The following LEF1 variants were observed in gnomAD, a reference collection of about 807,000 sequenced individuals.
LEF1 encodes the protein lymphoid enhancer binding factor 1.
In LEF1, 14 loss-of-function variants were observed where a neutral mutation model predicts 51.2. The ratio of observed to expected loss-of-function variants is 0.27; its 90% CI spans 0.18 to 0.43. LEF1 has a LOEUF of 0.43. Ranked by LOEUF, LEF1 falls within the 20% of genes least tolerant of loss-of-function variation. LEF1 has a pLI of 1.00. For missense variants in LEF1, 386 were observed against 512.0 expected (o/e 0.75, Z 2.37); for synonymous variants, 185 against 183.2 (o/e 1.01, Z -0.08).
chr4:108,086,020 A>G (rs922491667), intron 4 of LEF1, among the ~76,000 whole-genome samples: 3 of 152,248 alleles, frequency 2.0e-5, no homozygotes, highest in Non-Finnish European at 4.4e-5. Context: ...GAAGTGTTAA[A>G]ACAGACCCAT....
At chr4:108,151,383 C>T (rs1487198399) in intron 3 of LEF1, among the ~76,000 whole-genome samples, 1 of 152,118 alleles carries the variant, frequency 6.6e-6, no homozygotes, top group Non-Finnish European at 1.5e-5. Flanking sequence ...ATGAGAAACT[C>T]ACTGATTCAA....
chr4:108,048,692 G>T lies in LEF1; in HGVS notation c.*66C>A. 1 of 1,608,564 alleles carries T rather than the reference G, an allele frequency of 6.2e-7. No individual in the cohort carries two copies. Among genetic ancestry groups the T allele is most frequent in the Non-Finnish European group, 8.5e-7 (1 of 1,177,098 alleles). ...GGTTTTCAACAAGCTTCCATCTCCA[G>T]AAGAGGTCCTGGGGTCGCTGCCTTG... On this transcript the variant is annotated 3_prime_UTR_variant, in exon 12 of 12. Coordinates refer to ENST00000265165, the MANE Select transcript of LEF1 (RefSeq NM_016269.5).
chr4:108,145,073 G>A (rs746490712), intron 3 of LEF1, among the ~76,000 whole-genome samples: 1 of 152,052 alleles, frequency 6.6e-6, no homozygotes, highest in Non-Finnish European at 1.5e-5. Flanking sequence ...AGAATACATA[G>A]CATTATCCAC....
At chr4:108,112,779 A>C (rs1741611365) in intron 3 of LEF1, among the ~76,000 whole-genome samples, 1 of 152,250 alleles carries the variant, frequency 6.6e-6, no homozygotes, top group African/African-American at 2.4e-5. Flanking sequence ...GGATTAGTAC[A>C]AATAGTTTCA....
chr4:108,124,637 G>A (rs942681430), intron 3 of LEF1, among the ~76,000 whole-genome samples: 1 of 152,122 alleles, frequency 6.6e-6, no homozygotes, highest in Non-Finnish European at 1.5e-5. Context: ...CAAAGTGCTG[G>A]GATTACAGGC....
At position 108,102,775 on chromosome 4, in the gene LEF1, C is replaced by A. The variant is rs552380096; in HGVS notation, c.415-13518G>T. On this transcript the variant is annotated intron_variant, in intron 3 of 11. Coordinates refer to ENST00000265165, the MANE Select transcript of LEF1 (RefSeq NM_016269.5). ...GTACTTTATTTCAAAGAGGACACATCTTTGGCAGTGTGGTATAGCTATGAA... is the reference window on the plus strand; with the variant it reads ...GTACTTTATTTCAAAGAGGACACATATTTGGCAGTGTGGTATAGCTATGAA... 5.3e-5 allele frequency among the ~76,000 whole-genome samples: 8 copies of A among 152,270 alleles called. No individual in the cohort carries two copies. In the South Asian group the frequency reaches 1.4e-3, roughly 28 times the overall value.
chr4:108,063,958 G>A (rs958390226), intron 10 of LEF1, among the ~76,000 whole-genome samples: 4 of 152,046 alleles, frequency 2.6e-5, no homozygotes, highest in African/African-American at 9.7e-5. Context: ...GGGAACACCA[G>A]GTAACATCAT....
Position 108,080,853 on chromosome 4 carries a change from A to G in LEF1, c.722+733T>C, listed in dbSNP as rs372599238. On this transcript the variant is annotated intron_variant, in intron 6 of 11. Transcript: ENST00000265165. ...CCACCAGTTTGACTTCCGGCACAAT[A>G]ATGCTAGCTCCCTTGACAAAGCCAC... Among the ~76,000 whole-genome samples the G allele has an allele frequency of 1.1e-4, 16 of 152,326 alleles. No homozygotes were observed. The East Asian group carries it at 2.1e-3, about 20-fold the overall frequency.
intron 9 of LEF1, among the ~76,000 whole-genome samples, chr4:108,070,233 A>G (rs1457607911): frequency 1.3e-5 from 2 of 152,112 alleles, no homozygotes; most frequent in Non-Finnish European, 2.9e-5. Flanking sequence ...TGCTTTTTAT[A>G]TATAAGATCG....
intron 11 of LEF1, among the ~76,000 whole-genome samples, chr4:108,050,771 G>C (rs925802424): frequency 2.0e-5 from 3 of 152,150 alleles, no homozygotes; most frequent in African/African-American, 7.2e-5. Flanking sequence ...TGGCAGCCAG[G>C]AACGCCTGAG....
intron 3 of LEF1, among the ~76,000 whole-genome samples, chr4:108,107,539 G>A (rs1741248043): frequency 6.7e-6 from 1 of 150,230 alleles, no homozygotes; most frequent in Non-Finnish European, 1.5e-5. Context: ...GGTGCTACTT[G>A]AGCTGTCTTG....
At chr4:108,115,435 G>T (rs1297838857) in intron 3 of LEF1, among the ~76,000 whole-genome samples, 1 of 152,180 alleles carries the variant, frequency 6.6e-6, no homozygotes, top group Non-Finnish European at 1.5e-5. Context: ...TTTTAAGATG[G>T]TTCACATTAT....
At chr4:108,104,861 G>C (rs898405210) in intron 3 of LEF1, among the ~76,000 whole-genome samples, 1 of 152,166 alleles carries the variant, frequency 6.6e-6, no homozygotes, top group African/African-American at 2.4e-5. Context: ...GGAGTTGGAG[G>C]TGTGCCTTTT....
Position 108,167,933 on chromosome 4 carries a change from G to A in LEF1, c.-166C>T, listed in dbSNP as rs1431103767. On this transcript the variant is annotated 5_prime_UTR_variant, in exon 1 of 12. Transcript: ENST00000265165. The surrounding 1 kb of genome is among the most constrained non-coding windows in gnomAD (Gnocchi z 5.7). ...GCGAGCGCGGGGCCGCCGGCCGGCA[G>A]CCGGAGCAGCTGCCGCGGCGCCCGA... 2 of 406,500 alleles carry A rather than the reference G, an allele frequency of 4.9e-6. No homozygotes were observed. Among genetic ancestry groups the A allele is most frequent in the Non-Finnish European group, 8.2e-6 (2 of 243,128 alleles). The allele number at this position is 406,500 out of a possible 1,614,324, so 25.2% of individuals were successfully genotyped here.
At position 108,062,145 on chromosome 4, in the gene LEF1, T is replaced by C. The variant is rs533463988; in HGVS notation, c.*6+1478A>G. Reference sequence around the variant, plus strand: ...GAAAATGAAGATTAAAAAGCTGAAGTAGATTGCTCAGGGAATCAACTGATT... The same window carrying C: ...GAAAATGAAGATTAAAAAGCTGAAGCAGATTGCTCAGGGAATCAACTGATT... On this transcript the variant is annotated intron_variant, in intron 11 of 11. Transcript: ENST00000265165. 3.3e-5 allele frequency among the ~76,000 whole-genome samples: 5 copies of C among 152,314 alleles called. No individual in the cohort carries two copies. The South Asian group carries it at 6.2e-4, about 19-fold the overall frequency.
At chr4:108,060,412 G>A (rs960959579) in intron 11 of LEF1, among the ~76,000 whole-genome samples, 13 of 152,258 alleles carry the variant, frequency 8.5e-5, no homozygotes, top group African/African-American at 2.9e-4. Context: ...CTCAGAGGAC[G>A]CTGGGCACAA....
chr4:108,083,360 C>G lies in LEF1; in HGVS notation c.634G>C (p.Gly212Arg). The G allele has an allele frequency of 6.2e-7, 1 of 1,608,090 alleles. No homozygotes were observed. The highest frequency in any genetic ancestry group is 1.3e-5 in the African/African-American group (1 of 74,842). The change falls in exon 5 of 12, where the codon GGC becomes CGC. Residue 212 changes from glycine (G) to arginine (R), a missense_variant. Transcript: ENST00000265165. ...AGGGTGCAGCAAGGTTCTTACCAGC[C>G]AAGAGGTGGGGTGATCTGTCCAACA... ...GGVGQITPPL[G>R]WQGQPVYPIT...
chr4:108,078,270 C>G lies in LEF1; in HGVS notation c.958G>C (p.Glu320Gln). ...MKEMRANVVA[E>Q]CTLKESAAIN... ...GCTGCACTTTCTTTTAGAGTACACT[C>G]AGCAACGACATTCGCTCTCATTTCT... is the stretch of plus-strand genomic sequence containing the variant. Residue 320 changes from glutamate (E) to glutamine (Q), a missense_variant, in exon 8 of 12, where the codon GAG becomes CAG. This residue lies in a region of LEF1 where 51 missense variants were observed against 121.3 expected (regional missense o/e 0.42). Coordinates refer to ENST00000265165, the MANE Select transcript of LEF1 (RefSeq NM_016269.5). 6.2e-7 allele frequency: 1 copy of G among 1,614,198 alleles called. No individual in the cohort carries two copies. Among genetic ancestry groups the G allele is most frequent in the Non-Finnish European group, 8.5e-7 (1 of 1,180,032 alleles).
At chr4:108,156,830 G>C (rs747886365) in intron 3 of LEF1, among the ~76,000 whole-genome samples, 2 of 151,284 alleles carry the variant, frequency 1.3e-5, no homozygotes, top group African/African-American at 4.9e-5. Flanking sequence ...AGTGTCAAAC[G>C]ATAGACAGTA....
Sources: gnomAD v4.1 joint callset for allele counts (sites outside exome capture counted in the v4.1 genomes callset) on GRCh38, gnomAD v4.1.1 for gene constraint, gnomAD v4.1.1 regional missense constraint, Gnocchi (gnomAD v3.1) non-coding constraint, MANE v1.5 for transcripts, NCBI Gene and HGNC (gene_info 2026-07-23, HGNC 2026-07-21) for gene names.